Variants in NME4 observed in about 807,000 individuals in gnomAD.
The protein encoded by NME4 is NME/NM23 nucleoside diphosphate kinase 4, also known as nucleoside diphosphate kinase D, mitochondrial.
Under a neutral mutation model 16.4 loss-of-function variants are expected in NME4, and 21 were observed. That is an observed-to-expected ratio of 1.28 (90% CI 0.91 to 1.84). The LOEUF (loss-of-function observed/expected upper bound fraction) is 1.84, where lower values mean the gene tolerates loss of function less well. Ranked by LOEUF, NME4 falls within the 40% of genes most tolerant of loss-of-function variation. The probability of loss-of-function intolerance (pLI) is 0.00; values close to 1 mark genes in which losing one functional copy is unlikely to be tolerated. For synonymous variants in NME4, 132 were observed against 107.5 expected, an observed-to-expected ratio of 1.23 and a Z score of -1.41; for missense variants, 316 against 261.3, an observed-to-expected ratio of 1.21 and a Z score of -1.44.
chr16:397,807 G>C, intron 1 of NME4: 1 of 1,533,928 alleles, frequency 6.5e-7, no homozygotes, highest in Non-Finnish European at 8.7e-7. Context: ...TGGGACGTCA[G>C]GCCCCAAGTC....
At chr16:398,125 G>C in intron 1 of NME4, 1 of 1,533,696 alleles carries the variant, frequency 6.5e-7, no homozygotes, top group East Asian at 2.5e-5. Context: ...CTGGAAACCA[G>C]GGACCCGATG....
intron 1 of NME4, chr16:397,990 A>C: frequency 6.5e-7 from 1 of 1,542,880 alleles, no homozygotes; most frequent in Non-Finnish European, 8.7e-7. Context: ...TGGGGGAACA[A>C]ACCAACCAGG....
intron 1 of NME4, chr16:398,013 C>T (rs1022532805): frequency 1.1e-5 from 17 of 1,538,882 alleles, no homozygotes; most frequent in African/African-American, 2.7e-5. Context: ...GTCTTCCTCC[C>T]GTGGGCTTCA....
At position 399,113 on chromosome 16, in the gene NME4, A is replaced by G; in HGVS notation, c.215A>G (p.Lys72Arg). The G allele has an allele frequency of 6.3e-7, 1 of 1,594,670 alleles. No individual in the cohort carries two copies. Among genetic ancestry groups the G allele is most frequent in the Non-Finnish European group, 8.5e-7 (1 of 1,174,260 alleles). Reference protein sequence around the residue: ...ERRGFTLVGMKMLQAPESVLA... With the variant: ...ERRGFTLVGMRMLQAPESVLA... ...CGGGGCTTCACGCTGGTGGGGATGAAGATGCTGCAGGTAGTGGGACTCTGG... is the reference window on the plus strand; with the variant it reads ...CGGGGCTTCACGCTGGTGGGGATGAGGATGCTGCAGGTAGTGGGACTCTGG... Residue 72 changes from lysine to arginine, a missense_variant, in exon 2 of 5, where the codon AAG (lysine) becomes AGG (arginine). Lys to Arg is a conservative substitution (Grantham distance 26, BLOSUM62 2). Transcript: ENST00000219479.
rs986983587 is a variant in NME4, at chr16:399,088, C to T, written c.190C>T (p.Arg64Trp). Residue 64 changes from arginine (R) to tryptophan (W), a missense_variant, in exon 2 of 5, where the codon CGG becomes TGG. Transcript: ENST00000219479. ...GGACGTGATCCAGCGCTTTGAGAGG[C>T]GGGGCTTCACGCTGGTGGGGATGAA... is the stretch of plus-strand genomic sequence containing the variant. The part of the protein sequence containing the change: ...VGDVIQRFER[R>W]GFTLVGMKML... 1.3e-5 allele frequency: 21 copies of T among 1,598,216 alleles called. No homozygotes were observed. Among genetic ancestry groups the T allele is most frequent in the East Asian group, 4.5e-5 (2 of 44,858 alleles).
rs772071802 is a variant in NME4 at position 399,057 on chromosome 16, C to A, written c.159C>A (p.Leu53=). 2.5e-6 allele frequency: 4 copies of A among 1,606,080 alleles called. No homozygotes were observed. The Admixed American group carries it at 6.7e-5, about 27-fold the overall frequency. Residue 53 remains leucine (L), a synonymous_variant, in exon 2 of 5, where the codon CTC becomes CTA. Transcript: ENST00000219479. ...AGCCCGATGGCGTGCAACGGCGGCT[C>A]GTTGGGGACGTGATCCAGCGCTTTG... ...AVKPDGVQRR[L]VGDVIQRFER... is the part of the protein sequence containing the mutation.
chr16:399,890 C>T, intron 4 of NME4, 151 bp downstream of exon 4: 1 of 692,440 alleles, frequency 1.4e-6, no homozygotes. Flanking sequence ...GCCGTGTTCT[C>T]CCAGGGCACA....
chr16:397,976 G>A, intron 1 of NME4: 1 of 1,544,622 alleles, frequency 6.5e-7, no homozygotes, highest in Non-Finnish European at 8.7e-7. Flanking sequence ...TGCAAACTGG[G>A]TTTTGGGGGA....
chr16:397,159 C>A, upstream of NME4: 1 of 715,570 alleles, frequency 1.4e-6, no homozygotes, highest in South Asian at 6.1e-5. Context: ...GGGGGCGGGT[C>A]TCGGGCTGGC....
chr16:397,973 T>C, intron 1 of NME4: 1 of 1,544,758 alleles, frequency 6.5e-7, no homozygotes, highest in Non-Finnish European at 8.7e-7. Flanking sequence ...CCCTGCAAAC[T>C]GGGTTTTGGG....
rs1047096121 is a variant in NME4, at chr16:400,579, G to A, written c.*237G>A. ...CAAAGTGCCGGACAACCTTTGTGGT[G>A]GGGGGGGGTCTTCACATTATCATAA... On this transcript the variant is annotated 3_prime_UTR_variant, in exon 5 of 5. Coordinates refer to ENST00000219479, the MANE Select transcript of NME4 (RefSeq NM_005009.3). 4 of 356,906 alleles carry A rather than the reference G, an allele frequency of 1.1e-5. No individual in the cohort carries two copies. Among genetic ancestry groups the A allele is most frequent in the African/African-American group, 8.6e-5 (4 of 46,552 alleles). The allele number at this position is 356,906 out of a possible 1,614,324, so 22.1% of individuals were successfully genotyped here. A position where few individuals can be genotyped will look rare whatever the true frequency, so the allele number is the denominator to read the frequency against.
intron 4 of NME4, 135 bp from the exon 5 acceptor site, chr16:400,084 A>G (rs754555307): frequency 7.6e-7 from 1 of 1,324,262 alleles, no homozygotes; most frequent in South Asian, 1.2e-5. Flanking sequence ...TCCCAGCTCC[A>G]CTGTTACTCC....
Position 399,375 on chromosome 16 carries a change from C to A in NME4, c.226-4C>A. ...CGGCTCCTCCTTACCTCAATGCCAC[C>A]CAGGCACCAGAGAGCGTCCTTGCCG... is the stretch of plus-strand genomic sequence containing the variant. On this transcript the variant is annotated splice_region_variant and splice_polypyrimidine_tract_variant and intron_variant, in intron 2 of 4. Coordinates refer to ENST00000219479, the MANE Select transcript of NME4 (RefSeq NM_005009.3). 1 of 1,612,828 alleles carries A rather than the reference C, an allele frequency of 6.2e-7. No homozygotes were observed. The highest frequency in any genetic ancestry group is 8.5e-7 in the Non-Finnish European group (1 of 1,179,860).
In NME4 at chr16:399,414, C is replaced by T. The variant is rs757339979; in HGVS notation, c.261C>T (p.Asp87=). The part of the protein sequence containing the change: ...PESVLAEHYQ[D]LRRKPFYPAL... ...GCGTCCTTGCCGAGCACTACCAGGACCTGCGGAGGAAGCCCTTCTACCCTG... is the reference window on the plus strand; with the variant it reads ...GCGTCCTTGCCGAGCACTACCAGGATCTGCGGAGGAAGCCCTTCTACCCTG... Residue 87 remains aspartate, a synonymous_variant, in exon 3 of 5, where the codon GAC becomes GAT. Transcript: ENST00000219479. 6.2e-7 allele frequency: 1 copy of T among 1,613,010 alleles called. No individual in the cohort carries two copies. Among genetic ancestry groups the T allele is most frequent in the East Asian group, 2.2e-5 (1 of 44,878 alleles).
At chr16:397,837 G>C (rs970400190) in intron 1 of NME4, 7 of 1,536,906 alleles carry the variant, frequency 4.6e-6, no homozygotes, top group Non-Finnish European at 2.6e-6. Context: ...GCCGCTGCCC[G>C]GCCCCCCCAG....
At position 399,506 on chromosome 16, in the gene NME4, G is replaced by A. The variant is rs747828278; in HGVS notation, c.327+26G>A. Reference sequence around the variant, plus strand: ...GTACGGCAGGGCAGGGGTGGTGGAAGGGCCTGTGGGTAAAGGGCGTGTGGG... The same window carrying A: ...GTACGGCAGGGCAGGGGTGGTGGAAAGGCCTGTGGGTAAAGGGCGTGTGGG... On this transcript the variant is annotated intron_variant, in intron 3 of 4. Coordinates refer to ENST00000219479, the MANE Select transcript of NME4 (RefSeq NM_005009.3). The A allele has an allele frequency of 9.3e-6, 15 of 1,607,580 alleles. No individual in the cohort carries two copies. In the East Asian group the frequency reaches 1.6e-4, roughly 17 times the overall value.
chr16:397,382 T>C, intron 1 of NME4, 69 bp downstream of exon 1: 2 of 555,336 alleles, frequency 3.6e-6, no homozygotes, highest in Non-Finnish European at 2.3e-6. Flanking sequence ...TCGGCCTTTG[T>C]GCGCGCACGT....
At chr16:398,419 C>T in intron 1 of NME4, 1 of 1,211,886 alleles carries the variant, frequency 8.3e-7, no homozygotes, top group Non-Finnish European at 1.1e-6. Context: ...GGTTCCCTGC[C>T]ACTCATTCAC....
chr16:398,929 C>A, intron 1 of NME4, 61 bp from the exon 2 acceptor site: 3 of 1,596,322 alleles, frequency 1.9e-6, no homozygotes, highest in Non-Finnish European at 2.6e-6. Flanking sequence ...GCTGGGAAAC[C>A]CGGGTCGTGG....
Sources: allele counts gnomAD v4.1 joint callset, GRCh38; gene constraint gnomAD v4.1.1; transcripts MANE v1.5; gene names NCBI Gene and HGNC (gene_info 2026-07-23, HGNC 2026-07-21).